Variants in CNTFR observed in about 807,000 individuals in gnomAD.
CNTFR encodes ciliary neurotrophic factor receptor.
Under a neutral mutation model 40.4 loss-of-function variants are expected in CNTFR, and 12 were observed. That is an observed-to-expected ratio of 0.30 (90% confidence interval 0.19 to 0.48). CNTFR has a LOEUF of 0.48. CNTFR is among the 20% of genes least tolerant of loss of function. The probability of loss-of-function intolerance (pLI) is 0.99; values close to 1 mark genes in which losing one functional copy is unlikely to be tolerated. For missense variants in CNTFR, 414 were observed against 506.8 expected (o/e 0.82, Z 1.76); for synonymous variants, 202 against 209.6 (o/e 0.96, Z 0.31).
intron 4 of CNTFR, among the ~76,000 whole-genome samples, chr9:34,559,703 G>A (rs940493126): frequency 6.6e-6 from 1 of 152,114 alleles, no homozygotes; most frequent in Non-Finnish European, 1.5e-5. Context: ...ACCCCAGGAG[G>A]AAAGGACATT....
chr9:34,585,838 C>A (rs1827515086), intron 1 of CNTFR, among the ~76,000 whole-genome samples: 1 of 151,864 alleles, frequency 6.6e-6, no homozygotes, highest in Non-Finnish European at 1.5e-5. Context: ...CTCCAGGACG[C>A]CCCAAACCAA....
intron 4 of CNTFR, among the ~76,000 whole-genome samples, chr9:34,561,459 G>A (rs914214897): frequency 5.9e-5 from 9 of 152,200 alleles, no homozygotes; most frequent in African/African-American, 2.2e-4. Flanking sequence ...AAGCAACACT[G>A]TGATCCTGCT....
intron 2 of CNTFR, among the ~76,000 whole-genome samples, chr9:34,573,265 G>A (rs1357977060): frequency 6.6e-6 from 1 of 152,218 alleles, no homozygotes; most frequent in East Asian, 1.9e-4. Context: ...AGTTTAGATT[G>A]TAGAAGGCCA....
In CNTFR at chr9:34,564,807, G is replaced by T. The variant is rs1826213973; in HGVS notation, c.111C>A (p.Arg37=). The part of the protein sequence containing the change: ...PQEAPHVQYE[R]LGSDVTLPCG... ...ATGGCAGTGTCACGTCAGAGCCCAGGCGCTCGTACTGCACATGGGGTGCCT... is the reference window on the plus strand; with the variant it reads ...ATGGCAGTGTCACGTCAGAGCCCAGTCGCTCGTACTGCACATGGGGTGCCT... The change falls in exon 4 of 10, where the codon CGC becomes CGA. Residue 37 remains arginine, a synonymous_variant. Coordinates refer to ENST00000378980, the MANE Select transcript of CNTFR (RefSeq NM_147164.3). The T allele has an allele frequency of 6.2e-7, 1 of 1,613,728 alleles. No individual in the cohort carries two copies. Among genetic ancestry groups the T allele is most frequent in the South Asian group, 1.1e-5 (1 of 91,066 alleles).
At chr9:34,563,803 T>C (rs1290649651) in intron 4 of CNTFR, among the ~76,000 whole-genome samples, 1 of 152,162 alleles carries the variant, frequency 6.6e-6, no homozygotes, top group Non-Finnish European at 1.5e-5. Context: ...CATGCCCTGG[T>C]CCCAGGTCCT....
chr9:34,584,973 C>G (rs1827478962), intron 1 of CNTFR, among the ~76,000 whole-genome samples: 2 of 152,168 alleles, frequency 1.3e-5, no homozygotes, highest in African/African-American at 4.8e-5. Flanking sequence ...TGCTGGGTCT[C>G]AAACCACAAA....
chr9:34,590,613 C>T (rs1268867089), upstream of CNTFR, among the ~76,000 whole-genome samples: 1 of 152,322 alleles, frequency 6.6e-6, no homozygotes, highest in Non-Finnish European at 1.5e-5. Context: ...CCTCGCGCCC[C>T]GAGGACACAC....
At chr9:34,556,945 G>A (rs1025378631) in intron 6 of CNTFR, among the ~76,000 whole-genome samples, 2 of 152,140 alleles carry the variant, frequency 1.3e-5, no homozygotes, top group African/African-American at 4.8e-5. Flanking sequence ...CGCGCCTAAG[G>A]GCCCAGCTTA....
chr9:34,580,068 C>T (rs1340369574), intron 2 of CNTFR: 1 of 152,250 alleles, frequency 6.6e-6, no homozygotes, highest in African/African-American at 2.4e-5. Context: ...GGAGCCCATT[C>T]TTTCCCCGAC....
chr9:34,560,103 G>A (rs189684658), intron 4 of CNTFR, among the ~76,000 whole-genome samples: 1 of 152,216 alleles, frequency 6.6e-6, no homozygotes, highest in African/African-American at 2.4e-5. Flanking sequence ...TTCTCAGAGG[G>A]AAAAGGAGGA....
At chr9:34,571,595 C>T (rs1028481816) in intron 2 of CNTFR, among the ~76,000 whole-genome samples, 2 of 152,010 alleles carry the variant, frequency 1.3e-5, no homozygotes, top group Non-Finnish European at 1.5e-5. Flanking sequence ...CACACTCAGG[C>T]CCCCGCGGGG....
intron 2 of CNTFR, among the ~76,000 whole-genome samples, chr9:34,575,486 C>CAA (rs1423183158): frequency 1.3e-5 from 2 of 152,032 alleles, no homozygotes; most frequent in African/African-American, 4.8e-5. Flanking sequence ...AAGGAGGCTG[C>CAA]AAGGCAGGGC....
In CNTFR at chr9:34,589,564, G is replaced by T; in HGVS notation, c.-121C>A. 1 of 152,060 alleles carries T rather than the reference G, an allele frequency of 6.6e-6. No individual in the cohort carries two copies. The highest frequency in any genetic ancestry group is 1.8e-4 in the South Asian group (1 of 5,456). The allele number at this position is 152,060 out of a possible 1,614,324, so 9.4% of individuals were successfully genotyped here. On this transcript the variant is annotated 5_prime_UTR_variant, in exon 1 of 10. Transcript: ENST00000378980. The surrounding 1 kb of genome is among the most constrained non-coding windows in gnomAD (Gnocchi z 4.4). ...GCCGCAGGGTACTCACCGCGCCCTC[G>T]GGCCACCCGGGCTTCGCGCCGCGCC... is the stretch of plus-strand genomic sequence containing the variant.
chr9:34,575,611 G>A (rs908055175), intron 2 of CNTFR, among the ~76,000 whole-genome samples: 3 of 151,974 alleles, frequency 2.0e-5, no homozygotes, highest in Non-Finnish European at 2.9e-5. Flanking sequence ...CACTGCTATG[G>A]TGCAGACACA....
chr9:34,588,292 G>C (rs1425444562), intron 1 of CNTFR, among the ~76,000 whole-genome samples: 2 of 152,088 alleles, frequency 1.3e-5, no homozygotes, highest in Non-Finnish European at 2.9e-5. Flanking sequence ...CTGGGAATCT[G>C]CAATGGTTCA....
At chr9:34,560,751 C>T (rs935922926) in intron 4 of CNTFR, among the ~76,000 whole-genome samples, 5 of 152,272 alleles carry the variant, frequency 3.3e-5, no homozygotes, top group Non-Finnish European at 7.3e-5. Flanking sequence ...GCTCTTGAGA[C>T]ACCCAAGTGA....
At chr9:34,588,695 G>C (rs947794537) in intron 1 of CNTFR, among the ~76,000 whole-genome samples, 9 of 152,308 alleles carry the variant, frequency 5.9e-5, no homozygotes, top group African/African-American at 7.2e-5. Context: ...GCTACTGGAG[G>C]GGGGAGGGGG....
intron 2 of CNTFR, among the ~76,000 whole-genome samples, chr9:34,575,521 G>A (rs1826908941): frequency 1.3e-5 from 2 of 152,098 alleles, no homozygotes; most frequent in South Asian, 4.1e-4. Flanking sequence ...AGGATGGATA[G>A]AATGGCTTTC....
At chr9:34,562,274 C>T (rs1312701050) in intron 4 of CNTFR, among the ~76,000 whole-genome samples, 3 of 152,222 alleles carry the variant, frequency 2.0e-5, no homozygotes, top group African/African-American at 7.2e-5. Context: ...GAGTGCTCCA[C>T]TTCTGATGGA....
Sources: allele counts gnomAD v4.1 joint callset (sites outside exome capture counted in the v4.1 genomes callset), GRCh38; gene constraint gnomAD v4.1.1; non-coding constraint Gnocchi (gnomAD v3.1); transcripts MANE v1.5; gene names NCBI Gene and HGNC (gene_info 2026-07-23, HGNC 2026-07-21).